Variants in LAMA2 observed in about 807,000 individuals in gnomAD.
LAMA2 encodes laminin subunit alpha 2.
LAMA2 carries 269 observed loss-of-function variants against 364.8 expected under a neutral mutation model. The observed-to-expected ratio is 0.74, with a 90% CI of 0.67 to 0.82. LAMA2 has a LOEUF of 0.82. LAMA2 is among the 40% of genes least tolerant of loss of function. LAMA2 has a pLI of 0.00. For synonymous variants in LAMA2, 1,379 were observed against 1,370.6 expected (o/e 1.01, Z -0.14); for missense variants, 3,807 against 3,873.2 (o/e 0.98, Z 0.45).
intron 10 of LAMA2, among the ~76,000 whole-genome samples, chr6:129,188,883 T>C (rs1781375262): frequency 6.6e-6 from 1 of 152,056 alleles, no homozygotes; most frequent in African/African-American, 2.4e-5. Flanking sequence ...TGATTTTCCT[T>C]ATATGTTCTC....
intron 1 of LAMA2, among the ~76,000 whole-genome samples, chr6:128,995,530 G>A (rs991858284): frequency 6.6e-6 from 1 of 152,102 alleles, no homozygotes; most frequent in African/African-American, 2.4e-5. Context: ...CGCCGTGTTG[G>A]CCGGGCTGGT....
chr6:129,074,664 A>G (rs1031367791), intron 3 of LAMA2, among the ~76,000 whole-genome samples: 2 of 152,274 alleles, frequency 1.3e-5, no homozygotes, highest in Middle Eastern at 3.2e-3. Flanking sequence ...AACAAAAATC[A>G]GCATATTATC....
chr6:129,499,940 GGCAGGGGTCCTCACTTTGTT>G (rs1163361037), intron 58 of LAMA2, among the ~76,000 whole-genome samples: 1 of 151,782 alleles, frequency 6.6e-6, no homozygotes, highest in Non-Finnish European at 1.5e-5. Flanking sequence ...GACAGAGGGG[GGCAGGGGTCCTCACTTTGTT>G]GCCCAGGCTG....
chr6:128,890,542 T>TACACAC (rs56972149), intron 1 of LAMA2, among the ~76,000 whole-genome samples: 5,603 of 147,392 alleles, frequency 0.038, 368 homozygotes, highest in African/African-American at 0.13. Context: ...TTCATTTAAA[T>TACACAC]ACACACACAC....
intron 30 of LAMA2, among the ~76,000 whole-genome samples, chr6:129,348,549 A>G (rs1220281398): frequency 3.3e-5 from 5 of 151,610 alleles, no homozygotes; most frequent in African/African-American, 7.3e-5. Context: ...AGTCTTGTGG[A>G]GTCTTTTTTT....
intron 1 of LAMA2, among the ~76,000 whole-genome samples, chr6:128,930,337 A>G (rs1327100497): frequency 6.6e-6 from 1 of 152,216 alleles, no homozygotes; most frequent in East Asian, 1.9e-4. Flanking sequence ...TAGATATTGC[A>G]GTTATTCTCC....
At chr6:128,995,623 C>T (rs1263401598) in intron 1 of LAMA2, among the ~76,000 whole-genome samples, 1 of 152,170 alleles carries the variant, frequency 6.6e-6, no homozygotes, top group Non-Finnish European at 1.5e-5. Flanking sequence ...CGCACCTGGC[C>T]CCAGTAGGTG....
At chr6:129,420,781 G>A (rs1273693756) in intron 40 of LAMA2, among the ~76,000 whole-genome samples, 5 of 151,998 alleles carry the variant, frequency 3.3e-5, no homozygotes, top group Non-Finnish European at 5.9e-5. Context: ...AAATCACTGG[G>A]GTACAGGTTA....
intron 3 of LAMA2, among the ~76,000 whole-genome samples, chr6:129,088,415 T>C (rs966292014): frequency 2.6e-5 from 4 of 152,084 alleles, no homozygotes; most frequent in Non-Finnish European, 5.9e-5. Flanking sequence ...TGGGTACACC[T>C]CCCAGATGGG....
intron 1 of LAMA2, among the ~76,000 whole-genome samples, chr6:128,955,225 A>G: frequency 6.6e-6 from 1 of 151,948 alleles, no homozygotes; most frequent in Non-Finnish European, 1.5e-5. Context: ...TAGGGCATTT[A>G]TTACATACCA....
chr6:129,151,122 C>G (rs1293824449), intron 7 of LAMA2, among the ~76,000 whole-genome samples: 2 of 152,092 alleles, frequency 1.3e-5, no homozygotes, highest in African/African-American at 4.8e-5. Flanking sequence ...TAGCCATATT[C>G]TTGAAGGTTA....
At chr6:129,091,489 G>C (rs1774825137) in intron 3 of LAMA2, among the ~76,000 whole-genome samples, 1 of 152,172 alleles carries the variant, frequency 6.6e-6, no homozygotes, top group Non-Finnish European at 1.5e-5. Flanking sequence ...TACAACACAG[G>C]AGGTGAAATG....
chr6:128,944,408 C>T (rs565478844), intron 1 of LAMA2, among the ~76,000 whole-genome samples: 1 of 152,092 alleles, frequency 6.6e-6, no homozygotes, highest in Non-Finnish European at 1.5e-5. Flanking sequence ...ACCTCAGGTG[C>T]CAGACTTCAG....
intron 5 of LAMA2, among the ~76,000 whole-genome samples, chr6:129,145,056 T>C (rs1778351160): frequency 6.6e-6 from 1 of 151,992 alleles, no homozygotes. Flanking sequence ...CTCCTGTGAA[T>C]AGAGTATCTA....
intron 21 of LAMA2, among the ~76,000 whole-genome samples, chr6:129,299,801 T>A (rs986896005): frequency 3.3e-5 from 5 of 152,216 alleles, no homozygotes; most frequent in African/African-American, 1.2e-4. Flanking sequence ...AATATTGTCA[T>A]TTCATAAAAA....
intron 4 of LAMA2, among the ~76,000 whole-genome samples, chr6:129,100,759 G>T (rs1447100601): frequency 6.6e-6 from 1 of 152,140 alleles, no homozygotes; most frequent in Non-Finnish European, 1.5e-5. Context: ...AAGACACAAG[G>T]AATTAGAAGA....
intron 29 of LAMA2, among the ~76,000 whole-genome samples, chr6:129,335,485 A>G (rs1775907023): frequency 6.6e-6 from 1 of 152,122 alleles, no homozygotes; most frequent in African/African-American, 2.4e-5. Context: ...GGAATATTGA[A>G]GACTTAGCTA....
Position 129,315,484 on chromosome 6 carries a change from G to A in LAMA2, c.3564G>A (p.Leu1188=), listed in dbSNP as rs1439726081. ...ATTTTGACCCCTTGCAGGTGACTCT[G>A]AAGGCTGAGCAGACCATTCTACCCC... ...AKGLIRTWVT[L]KAEQTILPLV... The change falls in exon 25 of 65, where the codon CTG becomes CTA. Residue 1188 remains leucine, a synonymous_variant. Coordinates refer to ENST00000421865, the MANE Select transcript of LAMA2 (RefSeq NM_000426.4). The A allele has an allele frequency of 6.2e-7, 1 of 1,614,016 alleles. No individual in the cohort carries two copies. Among genetic ancestry groups the A allele is most frequent in the Middle Eastern group, 1.6e-4 (1 of 6,084 alleles).
chr6:129,179,389 C>CT (rs1325408417), intron 10 of LAMA2, among the ~76,000 whole-genome samples: 1 of 152,078 alleles, frequency 6.6e-6, no homozygotes, highest in Non-Finnish European at 1.5e-5. Flanking sequence ...TTTTCTACAC[C>CT]TACCACTCAT....
Sources: allele counts gnomAD v4.1 joint callset (sites outside exome capture counted in the v4.1 genomes callset), GRCh38; gene constraint gnomAD v4.1.1; transcripts MANE v1.5; gene names NCBI Gene and HGNC (gene_info 2026-07-23, HGNC 2026-07-21).